The following TRPT1 variants were observed in gnomAD, a reference collection of about 807,000 sequenced individuals.
TRPT1 encodes the protein tRNA 2'-phosphotransferase 1.
A neutral mutation model predicts 28.4 loss-of-function variants in TRPT1; 22 were observed. The observed-to-expected ratio is 0.78, with a 90% CI of 0.55 to 1.11. The LOEUF is 1.11. TRPT1 is among the 50% of genes least tolerant of loss of function. The probability of loss-of-function intolerance (pLI) is 0.00; values close to 1 mark genes in which losing one functional copy is unlikely to be tolerated. For missense variants in TRPT1, 308 were observed against 317.7 expected (o/e 0.97, Z 0.23); for synonymous variants, 137 against 132.4 (o/e 1.03, Z -0.24).
At chr11:64,224,747 T>C in intron 4 of TRPT1, 30 bp from the exon 5 acceptor site, 1 of 1,604,242 alleles carries the variant, frequency 6.2e-7, no homozygotes, top group South Asian at 1.1e-5. Context: ...TGAGACCCCC[T>C]TCGCAGGCAG....
At chr11:64,225,062 C>A in intron 3 of TRPT1, 92 bp from the exon 4 acceptor site, 1 of 1,406,716 alleles carries the variant, frequency 7.1e-7, no homozygotes, top group South Asian at 1.4e-5. Flanking sequence ...AAAGTCTGGG[C>A]TTGGAGATCG....
At chr11:64,226,213 G>A (rs1947010881), upstream of TRPT1, 1 of 399,804 alleles carries the variant, frequency 2.5e-6, no homozygotes, top group South Asian at 6.5e-5. Context: ...CGACCGCGGC[G>A]GACCCGCCAA....
At chr11:64,225,384 A>T in intron 3 of TRPT1, 115 bp downstream of exon 3, 1 of 804,858 alleles carries the variant, frequency 1.2e-6, no homozygotes, top group African/African-American at 1.7e-5. Context: ...CATGGGGAGG[A>T]AGTGCACTCT....
Position 64,224,209 on chromosome 11 carries a change from A to T in TRPT1, c.561T>A (p.Asp187Glu), listed in dbSNP as rs1295672285. Residue 187 changes from aspartate (D) to glutamate (E), a missense_variant and splice_region_variant, in exon 7 of 8, where the codon GAT becomes GAA. Transcript: ENST00000317459. ...VFIDGPLALA[D>E]GIPFFRSANG... ...TGGCAGAGCGGAAGAAGGGTATTCC[A>T]TCTGCTGACAGAGCCAGAGATGTGA... 2.5e-6 allele frequency: 4 copies of T among 1,612,346 alleles called. No homozygotes were observed. Among genetic ancestry groups the T allele is most frequent in the Non-Finnish European group, 2.5e-6 (3 of 1,178,878 alleles).
At position 64,225,488 on chromosome 11, in the gene TRPT1, C is replaced by T; in HGVS notation, c.157+11G>A. ...TGGGCTCAAGCCCCAGCCTCCAAGG[C>T]CCCTACTTACCAGCTCCCATGGGAA... is the stretch of plus-strand genomic sequence containing the variant. On this transcript the variant is annotated intron_variant, in intron 3 of 7. Coordinates refer to ENST00000317459, the MANE Select transcript of TRPT1 (RefSeq NM_001033678.4). The T allele has an allele frequency of 1.2e-6, 2 of 1,610,740 alleles. No individual in the cohort carries two copies. Among genetic ancestry groups the T allele is most frequent in the Non-Finnish European group, 1.7e-6 (2 of 1,178,210 alleles).
intron 7 of TRPT1, 63 bp from the exon 8 acceptor site, chr11:64,224,030 GGA>G (rs769568951): frequency 1.3e-6 from 2 of 1,589,688 alleles, no homozygotes; most frequent in East Asian, 2.2e-5. Context: ...TTGGAAGCTA[GGA>G]GAGAGGTGAG....
chr11:64,225,676 G>A (rs1946961043), intron 2 of TRPT1, 96 bp from the exon 3 acceptor site: 8 of 1,414,786 alleles, frequency 5.7e-6, no homozygotes, highest in Non-Finnish European at 7.8e-6. Context: ...AGAGCCCAGA[G>A]AGAAAGGAGT....
rs1449385913 is a variant in TRPT1, at chr11:64,224,828, G to A, written c.300C>T (p.Ile100=). The part of the protein sequence containing the change: ...QLGDPSTGLL[I]RANQGHSLQV... ...GCAGGGAATGGCCCTGGTTGGCCCG[G>A]ATGAGAAGGCCAGTGCTGGGATCCC... The change falls in exon 4 of 8, where the codon ATC becomes ATT. Residue 100 remains isoleucine, a synonymous_variant. Coordinates refer to ENST00000317459, the MANE Select transcript of TRPT1 (RefSeq NM_001033678.4). 9 of 1,613,728 alleles carry A rather than the reference G, an allele frequency of 5.6e-6. No homozygotes were observed. Among genetic ancestry groups the A allele is most frequent in the African/African-American group, 1.3e-5 (1 of 74,954 alleles).
chr11:64,226,043 G>C lies in TRPT1; in HGVS notation c.-10+7C>G. 1 of 588,106 alleles carries C rather than the reference G, an allele frequency of 1.7e-6. No individual in the cohort carries two copies. Among genetic ancestry groups the C allele is most frequent in the South Asian group, 2.0e-5 (1 of 48,790 alleles). The allele number at this position is 588,106 out of a possible 1,614,324, so 36.4% of individuals were successfully genotyped here. ...AGGGAAACTAAGGCCCAGCAGGCCA[G>C]ACTTGCCCAAGGTCACACGGTCAGC... On this transcript the variant is annotated splice_region_variant and intron_variant, in intron 1 of 7. Coordinates refer to ENST00000317459, the MANE Select transcript of TRPT1 (RefSeq NM_001033678.4).
At chr11:64,225,973 T>C (rs1465214081) in intron 1 of TRPT1, 77 bp downstream of exon 1, 2 of 687,226 alleles carry the variant, frequency 2.9e-6, no homozygotes, top group African/African-American at 3.6e-5. Context: ...TGGGTGGGAG[T>C]ATACGGCTCA....
chr11:64,224,440 C>T, intron 5 of TRPT1, 99 bp from the exon 6 acceptor site: 2 of 1,595,104 alleles, frequency 1.3e-6, no homozygotes, highest in Non-Finnish European at 1.7e-6. Context: ...GGTGCTGCTC[C>T]ATGCCGGACA....
chr11:64,225,006 C>A, intron 3 of TRPT1, 36 bp from the exon 4 acceptor site: 1 of 1,542,356 alleles, frequency 6.5e-7, no homozygotes. Context: ...GCTAACCTTG[C>A]TCTGGACTGG....
Position 64,226,102 on chromosome 11 carries a change from G to T in TRPT1, c.-62C>A. ...CAGGGAGGCCGAGCCCCGCACCCCAGATCGCTGGTGCGCCCCGCAGGGTGG... is the reference window on the plus strand; with the variant it reads ...CAGGGAGGCCGAGCCCCGCACCCCATATCGCTGGTGCGCCCCGCAGGGTGG... On this transcript the variant is annotated 5_prime_UTR_variant, in exon 1 of 8. In the 5' UTR this introduces an upstream ATG that the reference lacks. Coordinates refer to ENST00000317459, the MANE Select transcript of TRPT1 (RefSeq NM_001033678.4). 1.9e-6 allele frequency: 1 copy of T among 526,478 alleles called. No individual in the cohort carries two copies. The highest frequency in any genetic ancestry group is 3.3e-6 in the Non-Finnish European group (1 of 299,376). The allele number at this position is 526,478 out of a possible 1,614,324, so 32.6% of individuals were successfully genotyped here.
At chr11:64,225,996 C>A (rs943396444) in intron 1 of TRPT1, 54 bp downstream of exon 1, 9 of 628,864 alleles carry the variant, frequency 1.4e-5, no homozygotes, top group Non-Finnish European at 2.3e-5. Flanking sequence ...AAGTTCACCA[C>A]CCCCAAGTCC....
Position 64,225,796 on chromosome 11 carries a change from G to A in TRPT1, c.65C>T (p.Pro22Leu). 1 of 1,552,406 alleles carries A rather than the reference G, an allele frequency of 6.4e-7. No homozygotes were observed. Among genetic ancestry groups the A allele is most frequent in the South Asian group, 1.2e-5 (1 of 84,274 alleles). The change falls in exon 2 of 8, where the codon CCC (proline) becomes CTC (leucine). Residue 22 changes from proline to leucine, a missense_variant. By Grantham distance (98) the Pro-to-Leu change is moderately conservative. Transcript: ENST00000317459. ...AGSRGRRAPRPREQDRDVQLS... is the reference protein window; with the variant it reads ...AGSRGRRAPRLREQDRDVQLS... ...GGAGGAGGCGCGCACCTGTTCTCGG[G>A]GTCTGGGAGCCCTTCTACCCCTGGA...
chr11:64,224,980 G>A lies in TRPT1; in HGVS notation c.158-10C>T. 6.4e-7 allele frequency: 1 copy of A among 1,551,650 alleles called. No individual in the cohort carries two copies. Among genetic ancestry groups the A allele is most frequent in the South Asian group, 1.2e-5 (1 of 84,518 alleles). On this transcript the variant is annotated splice_polypyrimidine_tract_variant and intron_variant, in intron 3 of 7. Transcript: ENST00000317459. ...AGGGGCACGAAGCCATCTGTGGGCA[G>A]GCAGGGTGCTCAGGAGCTAACCTTG...
In TRPT1 at chr11:64,225,634, C is replaced by A. The variant is rs1279958439; in HGVS notation, c.76-54G>T. The A allele has an allele frequency of 3.3e-6, 5 of 1,534,250 alleles. 1 individual carries two copies. Among genetic ancestry groups the A allele is most frequent in the Admixed American group, 3.8e-5 (2 of 52,428 alleles). ...CTCCATGGTGACCCTGCCCTACTGC[C>A]CATCCTGAACCCTCAATGACCCACT... is the stretch of plus-strand genomic sequence containing the variant. On this transcript the variant is annotated intron_variant, in intron 2 of 7. Coordinates refer to ENST00000317459, the MANE Select transcript of TRPT1 (RefSeq NM_001033678.4).
At position 64,223,818 on chromosome 11, in the gene TRPT1, G is replaced by A. The variant is rs1250689556; in HGVS notation, c.*58C>T. On this transcript the variant is annotated 3_prime_UTR_variant, in exon 8 of 8. Coordinates refer to ENST00000317459, the MANE Select transcript of TRPT1 (RefSeq NM_001033678.4). ...TGTAGCTACAGGATGATGAAACATG[G>A]TTTCAAACGAGTTCTTTCTTGTTAC... 13 of 1,232,448 alleles carry A rather than the reference G, an allele frequency of 1.1e-5. No homozygotes were observed. In the Admixed American group the frequency reaches 3.0e-4, roughly 28 times the overall value. The allele number at this position is 1,232,448 out of a possible 1,614,324, so 76.3% of individuals were successfully genotyped here.
At chr11:64,225,759 G>A (rs1232307624) in intron 2 of TRPT1, 27 bp downstream of exon 2, 4 of 1,522,890 alleles carry the variant, frequency 2.6e-6, no homozygotes, top group Non-Finnish European at 3.6e-6. Flanking sequence ...CTGGACTGGT[G>A]GGAGGGGGTG....
Sources: allele counts gnomAD v4.1 joint callset, GRCh38; gene constraint gnomAD v4.1.1; transcripts MANE v1.5; gene names NCBI Gene and HGNC (gene_info 2026-07-23, HGNC 2026-07-21).